The following FAM149A variants were observed in gnomAD, a reference collection of about 807,000 sequenced individuals.
The protein encoded by FAM149A is family with sequence similarity 149 member A, also known as protein FAM149A.
Under a neutral mutation model 78.2 loss-of-function variants are expected in FAM149A, and 71 were observed. That is an observed-to-expected ratio of 0.91 (90% confidence interval 0.75 to 1.11). FAM149A has a LOEUF of 1.11. Ranked by LOEUF, FAM149A falls within the 50% of genes least tolerant of loss-of-function variation. The pLI, the probability that FAM149A is intolerant of heterozygous loss-of-function variation, is 0.00. For missense variants in FAM149A, 1,036 were observed against 971.0 expected (o/e 1.07, Z -0.89); for synonymous variants, 446 against 410.5 (o/e 1.09, Z -1.04).
In FAM149A at chr4:186,174,190, G is replaced by C. The variant is rs558630341; in HGVS notation, c.*2203G>C. Among the ~76,000 whole-genome samples, 2 of 108,530 alleles carry C rather than the reference G, an allele frequency of 1.8e-5. 1 individual carries two copies. The highest frequency in any genetic ancestry group is 5.9e-4 in the South Asian group (2 of 3,392). 71.2% of individuals were successfully genotyped at this position (108,530 alleles called of 152,430 possible). A position where few individuals can be genotyped will look rare whatever the true frequency, so the allele number is the denominator to read the frequency against. ...GTACAGATTATCACCCAGGTATTAAGCCTAGTATCCATTAGTTATTTTTCC... is the reference window on the plus strand; with the variant it reads ...GTACAGATTATCACCCAGGTATTAACCCTAGTATCCATTAGTTATTTTTCC... On this transcript the variant is annotated 3_prime_UTR_variant, in exon 14 of 14. Transcript: ENST00000389354.
chr4:186,150,633 A>C (rs13127615), intron 3 of FAM149A, among the ~76,000 whole-genome samples: 3 of 135,540 alleles, frequency 2.2e-5, no homozygotes, highest in South Asian at 2.6e-4. Flanking sequence ...GTTAGCCAGG[A>C]TGGTCTCGAT....
At chr4:186,128,858 A>G (rs1170739795) in intron 1 of FAM149A, among the ~76,000 whole-genome samples, 2 of 151,148 alleles carry the variant, frequency 1.3e-5, no homozygotes, top group Admixed American at 6.6e-5. Flanking sequence ...TGGTGTATGC[A>G]TCTGTATAGG....
rs56973296 is a variant in FAM149A, at chr4:186,162,810, C to CTTTT, written c.1576-15_1576-12dup. On this transcript the variant is annotated intron_variant, in intron 8 of 13. Coordinates refer to ENST00000389354, the MANE Select transcript of FAM149A (RefSeq NM_001367768.3). ...GGAACGGCACTGGGCATTTGTAATT[C>CTTTT]TTTTTTTTTTTTTTTTTTTTTTTAC... is the stretch of plus-strand genomic sequence containing the variant. 6.0e-4 allele frequency: 336 copies of CTTTT among 562,986 alleles called. 3 individuals are homozygous for CTTTT. The highest frequency in any genetic ancestry group is 4.1e-3 in the African/African-American group (162 of 39,730). The allele number at this position is 562,986 out of a possible 1,614,324, so 34.9% of individuals were successfully genotyped here.
At chr4:186,138,543 TTGACA>T (rs2099324465) in intron 1 of FAM149A, among the ~76,000 whole-genome samples, 2 of 152,274 alleles carry the variant, frequency 1.3e-5, no homozygotes, top group Non-Finnish European at 2.9e-5. Context: ...CAGGGTCCAC[TTGACA>T]TTACATGGAG....
At position 186,154,359 on chromosome 4, in the gene FAM149A, G is replaced by C. The variant is rs574807448; in HGVS notation, c.1059-109G>C. On this transcript the variant is annotated intron_variant, in intron 5 of 13. Coordinates refer to ENST00000389354, the MANE Select transcript of FAM149A (RefSeq NM_001367768.3). ...ATGTAATATTCAACCGTTTTGGGAG[G>C]GGGGGATTCTGTACTTTACAGATAA... 5.5e-5 allele frequency: 48 copies of C among 866,948 alleles called. No individual in the cohort carries two copies. The African/African-American group carries it at 6.3e-4, about 11-fold the overall frequency. 53.7% of individuals were successfully genotyped at this position (866,948 alleles called of 1,614,324 possible). A position where few individuals can be genotyped will look rare whatever the true frequency, so the allele number is the denominator to read the frequency against.
intron 1 of FAM149A, among the ~76,000 whole-genome samples, chr4:186,133,557 TATTTA>T (rs1240688407): frequency 2.0e-5 from 3 of 152,236 alleles, no homozygotes; most frequent in Non-Finnish European, 2.9e-5. Flanking sequence ...TTTAAGACAA[TATTTA>T]ATTGTATGTA....
chr4:186,141,018 AT>A, intron 1 of FAM149A, among the ~76,000 whole-genome samples: 1 of 152,208 alleles, frequency 6.6e-6, no homozygotes, highest in East Asian at 1.9e-4. Flanking sequence ...AGCATCTGGT[AT>A]TTTTAAGAAT....
Position 186,158,358 on chromosome 4 carries a change from C to T in FAM149A, c.1575+639C>T, listed in dbSNP as rs1489924978. On this transcript the variant is annotated intron_variant, in intron 8 of 13. Transcript: ENST00000389354. The stretch of plus-strand genomic sequence containing the variant: ...ATTCTCCTCTGTGCTGTGTGGAAGT[C>T]GCCATCCCGTGCAACAAGGGAGCTC... The T allele has an allele frequency of 1.6e-5, 19 of 1,198,670 alleles. No homozygotes were observed. The African/African-American group carries it at 2.5e-4, about 16-fold the overall frequency. The allele number at this position is 1,198,670 out of a possible 1,614,324, so 74.3% of individuals were successfully genotyped here.
rs1040602790 is a variant in FAM149A, at chr4:186,116,530, T to C, written c.566+10888T>C. Reference sequence around the variant, plus strand: ...TATTTGCTTATACCCGAGAAAACAATTTTGTTCTGTCTTATGCGTAGGCTT... The same window carrying C: ...TATTTGCTTATACCCGAGAAAACAACTTTGTTCTGTCTTATGCGTAGGCTT... On this transcript the variant is annotated intron_variant, in intron 1 of 13. Coordinates refer to ENST00000389354, the MANE Select transcript of FAM149A (RefSeq NM_001367768.3). 8.1e-6 allele frequency: 8 copies of C among 985,280 alleles called. No individual in the cohort carries two copies. The African/African-American group carries it at 1.4e-4, about 17-fold the overall frequency. The allele number at this position is 985,280 out of a possible 1,614,324, so 61.0% of individuals were successfully genotyped here. A position where few individuals can be genotyped will look rare whatever the true frequency, so the allele number is the denominator to read the frequency against.
chr4:186,171,720 G>A lies in FAM149A; in HGVS notation c.2219-194G>A, dbSNP rs13116499. ...GTGGCCTGCACCTCCGCTTGATTTT[G>A]GGGGAGCACACTTCCTTTTCCTTAG... On this transcript the variant is annotated intron_variant, in intron 13 of 13. Transcript: ENST00000389354. Among the ~76,000 whole-genome samples, 13,149 of 152,190 alleles carry A rather than the reference G, an allele frequency of 0.086. 654 individuals carry two copies. The highest frequency in any genetic ancestry group is 0.11 in the Non-Finnish European group (7,782 of 68,008).
At chr4:186,162,765 T>C in intron 8 of FAM149A, 80 bp from the exon 9 acceptor site, 2 of 725,364 alleles carry the variant, frequency 2.8e-6, no homozygotes, top group Non-Finnish European at 4.7e-6. Context: ...CCTGCTGATT[T>C]CGGACAAGCA....
intron 1 of FAM149A, chr4:186,110,081 T>C (rs2099310577): frequency 1.0e-6 from 1 of 985,334 alleles, no homozygotes; most frequent in Non-Finnish European, 1.2e-6. Context: ...CTTATGTCCA[T>C]TATCAGACTA....
At chr4:186,139,224 A>G (rs1413347982) in intron 1 of FAM149A, among the ~76,000 whole-genome samples, 3 of 152,092 alleles carry the variant, frequency 2.0e-5, no homozygotes, top group Non-Finnish European at 4.4e-5. Context: ...CTGGCAGTAC[A>G]AGATGCTCCA....
chr4:186,149,603 A>G lies in FAM149A; in HGVS notation c.688A>G (p.Thr230Ala). Residue 230 changes from threonine (T) to alanine (A), a missense_variant, in exon 3 of 14, where the codon ACA becomes GCA. Transcript: ENST00000389354. ...ATCCTTTTCCTCCAGCGGAAGCCAT[A>G]CACCCACGGGAGCCCACACCTCTTG... The G allele has an allele frequency of 7.8e-7, 1 of 1,289,922 alleles. No homozygotes were observed. Among genetic ancestry groups the G allele is most frequent in the Non-Finnish European group, 1.0e-6 (1 of 988,900 alleles). The allele number at this position is 1,289,922 out of a possible 1,614,324, so 79.9% of individuals were successfully genotyped here.
At chr4:186,113,667 G>A (rs1244842256) in intron 1 of FAM149A, among the ~76,000 whole-genome samples, 1 of 149,054 alleles carries the variant, frequency 6.7e-6, no homozygotes, top group Non-Finnish European at 1.5e-5. Flanking sequence ...TAGTCATTCA[G>A]GAGCAGGTTG....
chr4:186,130,959 A>T (rs1455814682), intron 1 of FAM149A, among the ~76,000 whole-genome samples: 1 of 152,110 alleles, frequency 6.6e-6, no homozygotes, highest in Non-Finnish European at 1.5e-5. Context: ...TTCCTATGTT[A>T]AGCCCCTAAC....
chr4:186,109,651 A>T, intron 1 of FAM149A: 1 of 984,526 alleles, frequency 1.0e-6, no homozygotes, highest in Non-Finnish European at 1.2e-6. Flanking sequence ...TAAGTAATAT[A>T]TGGAGAAATG....
At chr4:186,151,666 G>A (rs931728845) in intron 3 of FAM149A, 18 of 949,664 alleles carry the variant, frequency 1.9e-5, no homozygotes, top group South Asian at 1.5e-4. Context: ...CATAACTTCC[G>A]TGGCAGAAGT....
At chr4:186,166,565 C>T (rs905965128) in intron 11 of FAM149A, among the ~76,000 whole-genome samples, 1 of 149,098 alleles carries the variant, frequency 6.7e-6, no homozygotes, top group African/African-American at 2.5e-5. Context: ...GCAGGAGAAT[C>T]GCTTGAACCC....
Sources: gnomAD v4.1 joint callset for allele counts (sites outside exome capture counted in the v4.1 genomes callset) on GRCh38, gnomAD v4.1.1 for gene constraint, MANE v1.5 for transcripts, NCBI Gene and HGNC (gene_info 2026-07-23, HGNC 2026-07-21) for gene names.